The following PPP1R9A variants were observed in gnomAD, a reference collection of about 807,000 sequenced individuals.
PPP1R9A encodes protein phosphatase 1 regulatory subunit 9A.
PPP1R9A carries 59 observed loss-of-function variants against 141.9 expected under a neutral mutation model. That is an observed-to-expected ratio of 0.42 (90% CI 0.34 to 0.52). The LOEUF is 0.52. PPP1R9A is among the 20% of genes least tolerant of loss of function. PPP1R9A has a pLI of 0.10. For missense variants in PPP1R9A, 1,444 were observed against 1,611.9 expected (o/e 0.90, Z 1.78); for synonymous variants, 500 against 569.7 (o/e 0.88, Z 1.74).
chr7:95,152,476 G>T (rs965944883), intron 4 of PPP1R9A, among the ~76,000 whole-genome samples: 1 of 151,976 alleles, frequency 6.6e-6, no homozygotes, highest in African/African-American at 2.4e-5. Context: ...CTTCCGTTTT[G>T]TCCCATATGT....
chr7:94,974,962 A>T (rs1799263664), intron 2 of PPP1R9A, among the ~76,000 whole-genome samples: 1 of 152,132 alleles, frequency 6.6e-6, no homozygotes, highest in South Asian at 2.1e-4. Flanking sequence ...TTTGAGAGGA[A>T]AGTTTATAGT....
At chr7:95,245,873 C>T (rs918483010) in intron 8 of PPP1R9A, among the ~76,000 whole-genome samples, 1 of 152,092 alleles carries the variant, frequency 6.6e-6, no homozygotes, top group Non-Finnish European at 1.5e-5. Context: ...CCCTAGGAGC[C>T]GGTGAGGGTG....
chr7:94,998,031 A>C (rs767946011), intron 2 of PPP1R9A, among the ~76,000 whole-genome samples: 2 of 152,144 alleles, frequency 1.3e-5, no homozygotes, highest in African/African-American at 2.4e-5. Flanking sequence ...GGTATGGACA[A>C]TTTTACTTAT....
At chr7:95,072,260 TTATATAATAA>T in intron 2 of PPP1R9A, among the ~76,000 whole-genome samples, 1 of 144,948 alleles carries the variant, frequency 6.9e-6, no homozygotes, top group Non-Finnish European at 1.5e-5. Flanking sequence ...ATATATAATA[TTATATAATAA>T]TATATAATAT....
At chr7:95,255,189 A>AT (rs1393324905) in intron 12 of PPP1R9A, among the ~76,000 whole-genome samples, 1 of 152,128 alleles carries the variant, frequency 6.6e-6, no homozygotes, top group African/African-American at 2.4e-5. Context: ...CAGGATTAGG[A>AT]TAAAAACAGA....
At chr7:95,102,821 C>A (rs748551200) in intron 2 of PPP1R9A, among the ~76,000 whole-genome samples, 3 of 152,158 alleles carry the variant, frequency 2.0e-5, no homozygotes, top group Non-Finnish European at 4.4e-5. Flanking sequence ...TTCAGTTTTG[C>A]AGCCAGAGAA....
intron 2 of PPP1R9A, among the ~76,000 whole-genome samples, chr7:95,013,766 T>G (rs951509753): frequency 2.6e-5 from 4 of 152,140 alleles, no homozygotes; most frequent in African/African-American, 9.6e-5. Flanking sequence ...AAGGTAGAAG[T>G]GATTTAAAAA....
intron 6 of PPP1R9A, among the ~76,000 whole-genome samples, chr7:95,198,849 G>A (rs766525147): frequency 1.3e-5 from 2 of 152,116 alleles, no homozygotes; most frequent in Admixed American, 1.3e-4. Context: ...TTTTCCAAAT[G>A]TTCTACAATA....
chr7:95,142,355 G>T (rs1395817176), intron 4 of PPP1R9A, among the ~76,000 whole-genome samples: 1 of 151,696 alleles, frequency 6.6e-6, no homozygotes, highest in Non-Finnish European at 1.5e-5. Flanking sequence ...TTTTAATTTT[G>T]ATGAAGTTCA....
chr7:94,908,996 T>C (rs897213121), intron 1 of PPP1R9A, among the ~76,000 whole-genome samples: 5 of 152,194 alleles, frequency 3.3e-5, no homozygotes, highest in African/African-American at 1.2e-4. Context: ...ACTGCCTGCA[T>C]TGTCTGCTCC....
intron 2 of PPP1R9A, among the ~76,000 whole-genome samples, chr7:95,002,884 A>T (rs1332351051): frequency 6.6e-6 from 1 of 152,094 alleles, no homozygotes; most frequent in African/African-American, 2.4e-5. Context: ...AATAGCTATG[A>T]CTATAAAAGG....
chr7:95,037,292 G>GA (rs1483511592), intron 2 of PPP1R9A, among the ~76,000 whole-genome samples: 1 of 151,802 alleles, frequency 6.6e-6, no homozygotes, highest in East Asian at 1.9e-4. Flanking sequence ...TTCTTTAACT[G>GA]AAAAAAATTG....
intron 4 of PPP1R9A, among the ~76,000 whole-genome samples, chr7:95,135,439 A>C (rs1332404060): frequency 1.3e-5 from 2 of 152,096 alleles, no homozygotes; most frequent in African/African-American, 4.8e-5. Flanking sequence ...CTTCAGTTGT[A>C]CTTATTTCAT....
In PPP1R9A at chr7:95,269,495, T is replaced by C. The variant is rs375446411; in HGVS notation, c.3112T>C (p.Leu1038=). The change falls in exon 14 of 20, where the codon TTA becomes CTA. Residue 1038 remains leucine, a synonymous_variant. Transcript: ENST00000433360. ...TCACCAAACCACCAACAAGAAAATA[T>C]TACGAGAAAAAGGTATTGTTAATTT... ...CHHQTTNKKI[L]REKDDAKDPK... is the part of the protein sequence containing the mutation. The C allele has an allele frequency of 7.6e-6, 12 of 1,571,764 alleles. No homozygotes were observed. The highest frequency in any genetic ancestry group is 9.5e-6 in the Non-Finnish European group (11 of 1,156,562).
At chr7:95,076,639 A>G (rs745614613) in intron 2 of PPP1R9A, among the ~76,000 whole-genome samples, 62 of 152,088 alleles carry the variant, frequency 4.1e-4, no homozygotes, top group Non-Finnish European at 6.9e-4. Context: ...TACTTTTTCC[A>G]GGCAAACTTA....
At position 95,288,581 on chromosome 7, in the gene PPP1R9A, C is replaced by T. The variant is rs770441916; in HGVS notation, c.3775C>T (p.Arg1259Trp). 6.2e-7 allele frequency: 1 copy of T among 1,614,072 alleles called. No individual in the cohort carries two copies. The highest frequency in any genetic ancestry group is 8.5e-7 in the Non-Finnish European group (1 of 1,179,996). ...QSPKHSQCQN[R>W]AVQEWSVQQV... ...TCCCAAACACAGTCAGTGTCAGAAT[C>T]GGGCCGTTCAGGAATGGAGTGTGCA... is the stretch of plus-strand genomic sequence containing the variant. Residue 1259 changes from arginine (R) to tryptophan (W), a missense_variant, in exon 19 of 20, where the codon CGG becomes TGG. Arg to Trp is a moderately radical substitution (Grantham distance 101). Around this residue, in one of 5 missense-constraint regions of PPP1R9A, gnomAD observed 459 missense variants for 513.8 expected, o/e 0.89. Transcript: ENST00000433360.
At chr7:95,135,412 A>T (rs1264688056) in intron 4 of PPP1R9A, among the ~76,000 whole-genome samples, 1 of 152,100 alleles carries the variant, frequency 6.6e-6, no homozygotes, top group Non-Finnish European at 1.5e-5. Flanking sequence ...CTTTCTTCTG[A>T]TTAGATTACT....
intron 4 of PPP1R9A, among the ~76,000 whole-genome samples, chr7:95,133,411 C>A (rs557530642): frequency 6.6e-6 from 1 of 151,120 alleles, no homozygotes; most frequent in Non-Finnish European, 1.5e-5. Flanking sequence ...TGCCTGTATA[C>A]CTAGGATATC....
intron 2 of PPP1R9A, among the ~76,000 whole-genome samples, chr7:95,058,943 C>G (rs965640793): frequency 1.3e-5 from 2 of 152,100 alleles, no homozygotes; most frequent in Non-Finnish European, 2.9e-5. Flanking sequence ...GCGTGTGCCA[C>G]CACATCCAGC....
Sources: gnomAD v4.1 joint callset for allele counts (sites outside exome capture counted in the v4.1 genomes callset) on GRCh38, gnomAD v4.1.1 for gene constraint, gnomAD v4.1.1 regional missense constraint, MANE v1.5 for transcripts, NCBI Gene and HGNC (gene_info 2026-07-23, HGNC 2026-07-21) for gene names.